Variants in COBLL1 observed in about 807,000 individuals in gnomAD.
COBLL1 encodes cordon-bleu protein-like 1.
Under a neutral mutation model 94.8 loss-of-function variants are expected in COBLL1, and 50 were observed. The observed-to-expected ratio is 0.53, with a 90% CI of 0.42 to 0.67. The LOEUF (loss-of-function observed/expected upper bound fraction) is 0.67. Among genes scored for constraint, COBLL1 ranks in the 30% least tolerant of loss-of-function variants. The probability of loss-of-function intolerance (pLI) is 0.00; values close to 1 mark genes in which losing one functional copy is unlikely to be tolerated. For missense variants in COBLL1, 1,362 were observed against 1,348.7 expected, an observed-to-expected ratio of 1.01 and a Z score of -0.15; for synonymous variants, 448 against 473.8, an observed-to-expected ratio of 0.95 and a Z score of 0.71.
At chr2:164,732,318 T>A (rs1321568017) in intron 3 of COBLL1, among the ~76,000 whole-genome samples, 1 of 152,218 alleles carries the variant, frequency 6.6e-6, no homozygotes, top group Non-Finnish European at 1.5e-5. Context: ...CCCATAAATG[T>A]ATCTATATTG....
chr2:164,751,673 C>A (rs972664682), intron 2 of COBLL1, among the ~76,000 whole-genome samples: 1 of 152,048 alleles, frequency 6.6e-6, no homozygotes, highest in African/African-American at 2.4e-5. Flanking sequence ...CAAATGAAAA[C>A]CCACCAAATC....
intron 13 of COBLL1, among the ~76,000 whole-genome samples, chr2:164,686,527 G>A (rs1683298234): frequency 6.6e-6 from 1 of 151,214 alleles, no homozygotes; most frequent in African/African-American, 2.4e-5. Flanking sequence ...TTTTAAAAAT[G>A]CTTTCATATA....
chr2:164,659,846 A>G (rs1255881360), intron 2 of COBLL1, among the ~76,000 whole-genome samples: 1 of 152,116 alleles, frequency 6.6e-6, no homozygotes, highest in Admixed American at 6.6e-5. Flanking sequence ...TACCATATGC[A>G]AGGGCATGGT....
chr2:164,765,370 TTAAC>T lies in COBLL1; in HGVS notation c.42-21499_42-21496del, dbSNP rs1356156193. Among the ~76,000 whole-genome samples the T allele has an allele frequency of 2.0e-5, 3 of 152,106 alleles. No individual in the cohort carries two copies. The East Asian group carries it at 5.8e-4, about 29-fold the overall frequency. ...CAGTCTGCAAGATCAATAATCCAAT[TTAAC>T]TAACGAATCAAAATGTAGGAACAAA... On this transcript the variant is annotated intron_variant, in intron 2 of 13. Transcript: ENST00000652658.
At chr2:164,771,401 G>GA (rs563069424) in intron 2 of COBLL1, among the ~76,000 whole-genome samples, 3 of 149,556 alleles carry the variant, frequency 2.0e-5, no homozygotes, top group East Asian at 3.9e-4. Flanking sequence ...TTTCTCATTA[G>GA]AAAAAAAAAA....
intron 4 of COBLL1, 146 bp from the exon 5 acceptor site, chr2:164,728,343 A>G: frequency 1.7e-6 from 1 of 588,510 alleles, no homozygotes; most frequent in South Asian, 2.4e-5. Flanking sequence ...TCTCTTTTTG[A>G]TTAATGTTAC....
intron 2 of COBLL1, among the ~76,000 whole-genome samples, chr2:164,771,468 C>T (rs1263018918): frequency 6.6e-6 from 1 of 151,916 alleles, no homozygotes; most frequent in Non-Finnish European, 1.5e-5. Context: ...CCCTATTAGA[C>T]AAAACATAAA....
chr2:164,664,366 A>G (rs569188128), intron 2 of COBLL1, among the ~76,000 whole-genome samples: 9 of 152,380 alleles, frequency 5.9e-5, no homozygotes, highest in African/African-American at 1.9e-4. Context: ...CAAATCAAAG[A>G]ATAGAGTCAC....
intron 7 of COBLL1, among the ~76,000 whole-genome samples, chr2:164,713,627 T>C (rs528355290): frequency 6.6e-6 from 1 of 152,286 alleles, no homozygotes; most frequent in East Asian, 1.9e-4. Flanking sequence ...TAGTCAATGG[T>C]AACATGGTTA....
intron 2 of COBLL1, among the ~76,000 whole-genome samples, chr2:164,773,063 C>T (rs1366633903): frequency 9.9e-5 from 15 of 152,132 alleles, no homozygotes; most frequent in Admixed American, 9.8e-4. Flanking sequence ...TGACTAACTG[C>T]AATTGTTACT....
chr2:164,700,513 A>C lies in COBLL1; in HGVS notation c.1460+9T>G. 6.4e-7 allele frequency: 1 copy of C among 1,558,868 alleles called. No individual in the cohort carries two copies. Among genetic ancestry groups the C allele is most frequent in the South Asian group, 1.1e-5 (1 of 89,742 alleles). ...CGGCCACCAACACTCCAGCACAGAG[A>C]CTACTTACTGTCCATCTGTGCTTTT... On this transcript the variant is annotated intron_variant, in intron 10 of 13. Transcript: ENST00000652658.
At chr2:164,737,334 G>A (rs577847188) in intron 3 of COBLL1, among the ~76,000 whole-genome samples, 2 of 152,114 alleles carry the variant, frequency 1.3e-5, no homozygotes, top group Non-Finnish European at 2.9e-5. Flanking sequence ...GAGCAGGCAG[G>A]TGACAGAGGC....
intron 1 of COBLL1, among the ~76,000 whole-genome samples, chr2:164,667,105 T>C (rs979677826): frequency 1.3e-5 from 2 of 152,040 alleles, no homozygotes; most frequent in Admixed American, 1.3e-4. Context: ...TATTATATGT[T>C]AAATATTAAT....
intron 2 of COBLL1, among the ~76,000 whole-genome samples, chr2:164,805,335 C>CTATATA (rs1268003621): frequency 7.4e-3 from 147 of 19,820 alleles, no homozygotes; most frequent in South Asian, 0.011. Flanking sequence ...CTCTCTCTCT[C>CTATATA]TCTATATATA....
rs1553469790 is a variant in COBLL1 at position 164,702,575 on chromosome 2, A to AAAAAAT, written c.1226-1820_1226-1819insATTTTT. ...AGACTCCTCAAAAAAAAAAAAAAAAAAATAATAATAATAATAATTTGAAAA... is the reference window on the plus strand; with the variant it reads ...AGACTCCTCAAAAAAAAAAAAAAAAAAAAAATAATAATAATAATAATAATTTGAAAA... On this transcript the variant is annotated intron_variant, in intron 9 of 13. Coordinates refer to ENST00000652658, the MANE Select transcript of COBLL1 (RefSeq NM_001365672.2). Among the ~76,000 whole-genome samples the AAAAAAT allele has an allele frequency of 6.0e-3, 805 of 134,918 alleles. 11 individuals are homozygous for AAAAAAT. Among genetic ancestry groups the AAAAAAT allele is most frequent in the East Asian group, 0.032 (144 of 4,552 alleles). 88.5% of individuals were successfully genotyped at this position (134,918 alleles called of 152,430 possible). A position where few individuals can be genotyped will look rare whatever the true frequency, so the allele number is the denominator to read the frequency against.
At chr2:164,779,773 C>A (rs1386345599) in intron 2 of COBLL1, 1 of 470,432 alleles carries the variant, frequency 2.1e-6, no homozygotes, top group Non-Finnish European at 4.4e-6. Flanking sequence ...AGCCTCTGTC[C>A]CAATAACTGA....
chr2:164,808,539 T>A (rs559363572), intron 2 of COBLL1, among the ~76,000 whole-genome samples: 7 of 152,320 alleles, frequency 4.6e-5, no homozygotes, highest in African/African-American at 1.7e-4. Context: ...CATGTTAGGA[T>A]TAAATGTTAA....
intron 1 of COBLL1, among the ~76,000 whole-genome samples, chr2:164,674,685 G>A (rs1691306340): frequency 6.6e-6 from 1 of 152,200 alleles, no homozygotes; most frequent in Non-Finnish European, 1.5e-5. Flanking sequence ...TAGATATGGA[G>A]TCTACCCTCA....
At chr2:164,809,685 A>G (rs1035326972) in intron 2 of COBLL1, among the ~76,000 whole-genome samples, 1 of 152,018 alleles carries the variant, frequency 6.6e-6, no homozygotes, top group Non-Finnish European at 1.5e-5. Flanking sequence ...AGTCATTTCC[A>G]TTAAACAGAC....
Sources: gnomAD v4.1 joint callset for allele counts (sites outside exome capture counted in the v4.1 genomes callset) on GRCh38, gnomAD v4.1.1 for gene constraint, MANE v1.5 for transcripts, NCBI Gene and HGNC (gene_info 2026-07-23, HGNC 2026-07-21) for gene names.